Variants in JMJD1C observed in about 807,000 individuals in gnomAD.
JMJD1C encodes jumonji domain-containing protein 1C.
JMJD1C carries 31 observed loss-of-function variants against 245.3 expected under a neutral mutation model. The observed-to-expected ratio is 0.13, with a 90% CI of 0.09 to 0.17. The LOEUF (loss-of-function observed/expected upper bound fraction) is 0.17. Ranked by LOEUF, JMJD1C falls within the 10% of genes least tolerant of loss-of-function variation. The pLI is 1.00. For missense variants in JMJD1C, 2,691 were observed against 3,000.2 expected (o/e 0.90, Z 2.41); for synonymous variants, 1,057 against 1,017.4 (o/e 1.04, Z -0.74).
chr10:63,353,913 T>C (rs1250136736), intron 2 of JMJD1C, among the ~76,000 whole-genome samples: 2 of 152,076 alleles, frequency 1.3e-5, no homozygotes, highest in Non-Finnish European at 2.9e-5. Flanking sequence ...CCATCTCAGC[T>C]CACTGCAACC....
chr10:63,287,461 C>T (rs1233174968), intron 2 of JMJD1C, among the ~76,000 whole-genome samples: 1 of 152,094 alleles, frequency 6.6e-6, no homozygotes, highest in African/African-American at 2.4e-5. Context: ...AGAAAACAAA[C>T]AAACAAAACA....
intron 2 of JMJD1C, among the ~76,000 whole-genome samples, chr10:63,324,522 C>A (rs1490707593): frequency 6.6e-6 from 1 of 152,096 alleles, no homozygotes; most frequent in Non-Finnish European, 1.5e-5. Context: ...TTGACTACAA[C>A]TTATAAACAA....
rs1219176045 is a variant in JMJD1C at position 63,284,894 on chromosome 10, CACACACACACACAT to C, written c.334-20144_334-20131del. On this transcript the variant is annotated intron_variant, in intron 2 of 25. Transcript: ENST00000399262. ...ACACACACACACACACACACACACA[CACACACACACACAT>C]TCTCTCTACTCGCTGTCTCTCACAC... Among the ~76,000 whole-genome samples, 6 of 148,940 alleles carry C rather than the reference CACACACACACACAT, an allele frequency of 4.0e-5. No homozygotes were observed. The South Asian group carries it at 8.6e-4, about 21-fold the overall frequency.
intron 10 of JMJD1C, chr10:63,202,462 A>G (rs556541326): frequency 7.8e-5 from 77 of 985,146 alleles, no homozygotes; most frequent in Non-Finnish European, 9.3e-5. Context: ...GATCAGAGGT[A>G]CAGCTATTCT....
At chr10:63,341,054 A>G (rs1282283495) in intron 2 of JMJD1C, among the ~76,000 whole-genome samples, 1 of 152,250 alleles carries the variant, frequency 6.6e-6, no homozygotes, top group African/African-American at 2.4e-5. Flanking sequence ...TCAACTGTGT[A>G]TTAAAAGAAT....
chr10:63,296,003 G>GTGTGTGTGTATA (rs1285499198), intron 2 of JMJD1C, among the ~76,000 whole-genome samples: 20 of 95,710 alleles, frequency 2.1e-4, no homozygotes, highest in African/African-American at 7.7e-4. Context: ...GTGTGTGTGT[G>GTGTGTGTGTATA]TATATATATA....
chr10:63,201,201 T>C (rs948409983), intron 10 of JMJD1C, among the ~76,000 whole-genome samples: 6 of 152,216 alleles, frequency 3.9e-5, no homozygotes, highest in African/African-American at 1.4e-4. Flanking sequence ...AGACAAGTGG[T>C]AATTTTATAA....
At chr10:63,415,668 A>G (rs1467856365) in intron 1 of JMJD1C, among the ~76,000 whole-genome samples, 1 of 152,228 alleles carries the variant, frequency 6.6e-6, no homozygotes, top group Non-Finnish European at 1.5e-5. Context: ...TATAAACCTA[A>G]GACATACAAA....
intron 1 of JMJD1C, among the ~76,000 whole-genome samples, chr10:63,516,958 C>T (rs1325503911): frequency 6.6e-6 from 1 of 152,186 alleles, no homozygotes; most frequent in Admixed American, 6.5e-5. Context: ...AAGAGGTATC[C>T]ATCTAGCAGC....
intron 3 of JMJD1C, among the ~76,000 whole-genome samples, chr10:63,258,461 CTT>C (rs966102879): frequency 8.5e-5 from 13 of 152,186 alleles, no homozygotes; most frequent in Non-Finnish European, 1.9e-4. Flanking sequence ...ATCTTTTCCT[CTT>C]TTGTCTGACC....
chr10:63,488,727 A>C, intron 1 of JMJD1C, among the ~76,000 whole-genome samples: 1 of 152,192 alleles, frequency 6.6e-6, no homozygotes, highest in South Asian at 2.1e-4. Context: ...ATTATTTGGC[A>C]ACTGAAGATA....
At chr10:63,298,018 C>T (rs748757036) in intron 2 of JMJD1C, among the ~76,000 whole-genome samples, 2 of 152,202 alleles carry the variant, frequency 1.3e-5, no homozygotes, top group African/African-American at 2.4e-5. Flanking sequence ...GGTGCTGCAG[C>T]GACAGCTGCT....
chr10:63,314,761 C>A (rs540131224), intron 2 of JMJD1C, among the ~76,000 whole-genome samples: 1 of 152,118 alleles, frequency 6.6e-6, no homozygotes, highest in East Asian at 1.9e-4. Context: ...GATTCTCCTG[C>A]CTCAGCCACT....
chr10:63,231,720 G>C (rs1850026443), intron 3 of JMJD1C, among the ~76,000 whole-genome samples: 1 of 152,190 alleles, frequency 6.6e-6, no homozygotes, highest in Admixed American at 6.5e-5. Context: ...CTTGAATCCA[G>C]AAGGCGGAGG....
intron 1 of JMJD1C, among the ~76,000 whole-genome samples, chr10:63,516,239 A>AG (rs2133300844): frequency 6.6e-6 from 1 of 151,914 alleles, no homozygotes; most frequent in African/African-American, 2.4e-5. Context: ...TGAGGGAAAA[A>AG]AAAAAAAAAA....
intron 3 of JMJD1C, among the ~76,000 whole-genome samples, chr10:63,223,327 A>G (rs927942560): frequency 6.6e-6 from 1 of 151,320 alleles, no homozygotes; most frequent in Non-Finnish European, 1.5e-5. Context: ...TCCCAAGTTC[A>G]AGCGATTCTC....
intron 3 of JMJD1C, among the ~76,000 whole-genome samples, chr10:63,225,985 ACC>A (rs67708339): frequency 7.6e-6 from 1 of 132,220 alleles, no homozygotes; most frequent in Non-Finnish European, 1.6e-5. Context: ...CTTCTCCCCC[ACC>A]CCCCCCTTCC....
intron 1 of JMJD1C, among the ~76,000 whole-genome samples, chr10:63,394,441 A>C (rs1400124160): frequency 1.3e-5 from 2 of 152,212 alleles, no homozygotes; most frequent in Non-Finnish European, 2.9e-5. Flanking sequence ...GACTGAAATA[A>C]ATCAGACTTA....
In JMJD1C at chr10:63,207,232, A is replaced by G. The variant is rs369575747; in HGVS notation, c.4437T>C (p.Phe1479=). Residue 1479 remains phenylalanine, a synonymous_variant, in exon 10 of 26, where the codon TTT becomes TTC. Coordinates refer to ENST00000399262, the MANE Select transcript of JMJD1C (RefSeq NM_032776.3). ...PSSGFSGTTD[F]IHLKKHKAAL... ...CTGCCTTGTGCTTTTTTAAATGGATAAAATCAGTTGTGCCTGAGAACCCAG... is the reference window on the plus strand; with the variant it reads ...CTGCCTTGTGCTTTTTTAAATGGATGAAATCAGTTGTGCCTGAGAACCCAG... 124 of 1,614,040 alleles carry G rather than the reference A, an allele frequency of 7.7e-5. No individual in the cohort carries two copies. Among genetic ancestry groups the G allele is most frequent in the Non-Finnish European group, 1.0e-4 (119 of 1,180,048 alleles).
Sources: gnomAD v4.1 joint callset for allele counts (sites outside exome capture counted in the v4.1 genomes callset) on GRCh38, gnomAD v4.1.1 for gene constraint, MANE v1.5 for transcripts, NCBI Gene and HGNC (gene_info 2026-07-23, HGNC 2026-07-21) for gene names.